TENM3: variants seen among roughly 807,000 people sequenced by gnomAD.
TENM3 encodes teneurin transmembrane protein 3, also known as teneurin-3.
Under a neutral mutation model 255.1 loss-of-function variants are expected in TENM3, and 63 were observed. The observed-to-expected ratio is 0.25, with a 90% confidence interval of 0.20 to 0.30. The LOEUF is 0.30. TENM3 is among the 10% of genes least tolerant of loss of function. The pLI is 1.00. For synonymous variants in TENM3, 1,306 were observed against 1,322.3 expected (o/e 0.99, Z 0.27); for missense variants, 2,929 against 3,461.1 (o/e 0.85, Z 3.86).
At chr4:182,308,956 C>G (rs1011057887) in intron 1 of TENM3, among the ~76,000 whole-genome samples, 4 of 152,250 alleles carry the variant, frequency 2.6e-5, no homozygotes, top group African/African-American at 9.6e-5. Flanking sequence ...TCCGAGTAAG[C>G]ACACAGACCG....
intron 1 of TENM3, among the ~76,000 whole-genome samples, chr4:182,321,682 A>C (rs1763063455): frequency 6.6e-6 from 1 of 151,732 alleles, no homozygotes; most frequent in Non-Finnish European, 1.5e-5. Context: ...GTGGTGGCTC[A>C]TGCCTGTAAT....
intron 24 of TENM3, among the ~76,000 whole-genome samples, chr4:182,787,423 A>C (rs1351230535): frequency 2.0e-5 from 3 of 152,110 alleles, no homozygotes; most frequent in Non-Finnish European, 4.4e-5. Context: ...ATCAGCTGAT[A>C]GAACTGAAAA....
At chr4:182,670,836 G>A (rs1163384173) in intron 6 of TENM3, among the ~76,000 whole-genome samples, 1 of 152,036 alleles carries the variant, frequency 6.6e-6, no homozygotes, top group Non-Finnish European at 1.5e-5. Context: ...CACCACACAA[G>A]AATAAGTGTG....
At chr4:182,321,525 T>G (rs1176281792) in intron 1 of TENM3, among the ~76,000 whole-genome samples, 1 of 151,696 alleles carries the variant, frequency 6.6e-6, no homozygotes, top group Non-Finnish European at 1.5e-5. Flanking sequence ...ACTCGGGAGG[T>G]TCAGGCAGGA....
chr4:182,346,490 T>C (rs1764815042), intron 2 of TENM3, among the ~76,000 whole-genome samples, 161 bp from the exon 3 acceptor site: 1 of 151,998 alleles, frequency 6.6e-6, no homozygotes, highest in Non-Finnish European at 1.5e-5. Context: ...CACTTGATCC[T>C]ATGCCGTGTG....
chr4:182,521,873 C>T (rs1738616026), intron 3 of TENM3, among the ~76,000 whole-genome samples: 1 of 152,112 alleles, frequency 6.6e-6, no homozygotes. Context: ...TCAAGATTCT[C>T]TTCCCATGTT....
At chr4:181,857,823 C>T in the TENM3 span, among the ~76,000 whole-genome samples, 1 of 151,820 alleles carries the variant, frequency 6.6e-6, no homozygotes, top group Admixed American at 6.6e-5. Context: ...AAGCCATTGG[C>T]AGTGTTGAAG....
intron 4 of TENM3, among the ~76,000 whole-genome samples, chr4:182,612,762 CA>C (rs1749139229): frequency 6.6e-6 from 1 of 152,072 alleles, no homozygotes; most frequent in Admixed American, 6.5e-5. Flanking sequence ...CACACACACA[CA>C]CACACAGTGG....
chr4:181,770,318 T>G, the TENM3 span, among the ~76,000 whole-genome samples: 1 of 152,310 alleles, frequency 6.6e-6, no homozygotes, highest in South Asian at 2.1e-4. Flanking sequence ...GAAAAAATTA[T>G]GATTAGATGC....
the TENM3 span, among the ~76,000 whole-genome samples, chr4:181,704,106 A>G: frequency 2.6e-5 from 4 of 152,318 alleles, no homozygotes; most frequent in African/African-American, 4.8e-5. Context: ...AATAACATCA[A>G]AATAACTCCA....
the TENM3 span, among the ~76,000 whole-genome samples, chr4:181,741,538 G>A: frequency 3.9e-5 from 6 of 152,304 alleles, no homozygotes; most frequent in African/African-American, 1.4e-4. Flanking sequence ...TATTTTTAAT[G>A]CAGTTAACTG....
At chr4:181,954,133 A>G in the TENM3 span, among the ~76,000 whole-genome samples, 9 of 152,216 alleles carry the variant, frequency 5.9e-5, no homozygotes, top group South Asian at 2.1e-4. Flanking sequence ...GTATTATTCC[A>G]TTGAATACAC....
chr4:182,429,030 G>C (rs187343891), intron 3 of TENM3, among the ~76,000 whole-genome samples: 53 of 152,276 alleles, frequency 3.5e-4, no homozygotes, highest in Non-Finnish European at 7.1e-4. Flanking sequence ...TGACCTAACT[G>C]ATCCTAAGGT....
the TENM3 span, among the ~76,000 whole-genome samples, chr4:181,585,452 T>C: frequency 2.0e-5 from 3 of 152,194 alleles, no homozygotes; most frequent in African/African-American, 7.2e-5. Context: ...ACTGAACTAC[T>C]GAGACTTGTA....
chr4:182,036,848 A>G, the TENM3 span, among the ~76,000 whole-genome samples: 1 of 151,986 alleles, frequency 6.6e-6, no homozygotes, highest in Non-Finnish European at 1.5e-5. Flanking sequence ...AAACTAATTT[A>G]TCTTGCTGAT....
chr4:182,029,428 G>A, the TENM3 span, among the ~76,000 whole-genome samples: 1 of 152,152 alleles, frequency 6.6e-6, no homozygotes, highest in East Asian at 1.9e-4. Flanking sequence ...TGAAAGTGGA[G>A]TATTGAAGTC....
At chr4:181,630,015 G>T in the TENM3 span, among the ~76,000 whole-genome samples, 2,042 of 152,208 alleles carry the variant, frequency 0.013, 60 homozygotes, top group African/African-American at 0.047. Flanking sequence ...CAACTTCAGA[G>T]CCTGTTATTG....
At chr4:182,075,017 C>T in the TENM3 span, among the ~76,000 whole-genome samples, 6 of 152,170 alleles carry the variant, frequency 3.9e-5, no homozygotes, top group African/African-American at 1.2e-4. Flanking sequence ...TTATGTTACA[C>T]GGTTACAGAT....
intron 1 of TENM3, among the ~76,000 whole-genome samples, chr4:182,310,901 G>A (rs1762403601): frequency 6.6e-6 from 1 of 152,096 alleles, no homozygotes; most frequent in Non-Finnish European, 1.5e-5. Flanking sequence ...GTAGAGATGG[G>A]GTTTCACCAT....
Sources: gnomAD v4.1 joint callset for allele counts (sites outside exome capture counted in the v4.1 genomes callset) on GRCh38, gnomAD v4.1.1 for gene constraint, MANE v1.5 for transcripts, NCBI Gene and HGNC (gene_info 2026-07-23, HGNC 2026-07-21) for gene names.